UBE2W: variants seen among roughly 807,000 people sequenced by gnomAD.
UBE2W encodes ubiquitin-conjugating enzyme E2 W.
A neutral mutation model predicts 27.2 loss-of-function variants in UBE2W; 18 were observed. The ratio of observed to expected loss-of-function variants is 0.66; its 90% CI spans 0.46 to 0.98. The LOEUF (loss-of-function observed/expected upper bound fraction) is 0.98. Ranked by LOEUF, UBE2W falls within the 50% of genes least tolerant of loss-of-function variation. UBE2W has a pLI of 0.00. For missense variants in UBE2W, 90 were observed against 180.2 expected, an observed-to-expected ratio of 0.50 and a Z score of 2.87; for synonymous variants, 53 against 57.2, an observed-to-expected ratio of 0.93 and a Z score of 0.33.
intron 1 of UBE2W, among the ~76,000 whole-genome samples, chr8:73,847,164 G>C (rs1470766460): frequency 1.3e-5 from 2 of 152,076 alleles, no homozygotes; most frequent in Non-Finnish European, 2.9e-5. Flanking sequence ...GTGAGACTCT[G>C]TCTCAAAAAA....
intron 5 of UBE2W, among the ~76,000 whole-genome samples, chr8:73,798,576 T>A (rs1468433776): frequency 1.3e-5 from 2 of 152,192 alleles, no homozygotes; most frequent in Non-Finnish European, 2.9e-5. Context: ...TCCTCCCCGC[T>A]GTGGAAAGCA....
intron 1 of UBE2W, among the ~76,000 whole-genome samples, chr8:73,841,034 T>C (rs1022813700): frequency 2.6e-5 from 4 of 152,206 alleles, no homozygotes; most frequent in Admixed American, 6.5e-5. Flanking sequence ...TGTGGGAATA[T>C]ATAATGGTTG....
intron 5 of UBE2W, among the ~76,000 whole-genome samples, chr8:73,800,322 G>C (rs1808585908): frequency 6.6e-6 from 1 of 152,154 alleles, no homozygotes; most frequent in African/African-American, 2.4e-5. Flanking sequence ...CCCTTAAAAG[G>C]AGAATGGTGG....
Position 73,837,240 on chromosome 8 carries a change from C to T in UBE2W, c.16-6768G>A, listed in dbSNP as rs139717765. Among the ~76,000 whole-genome samples, 532 of 152,264 alleles carry T rather than the reference C, an allele frequency of 3.5e-3. 5 individuals are homozygous for T. The highest frequency in any genetic ancestry group is 0.012 in the African/African-American group (506 of 41,560). On this transcript the variant is annotated intron_variant, in intron 1 of 5. Transcript: ENST00000602593. Reference sequence around the variant, plus strand: ...TTAAAAAAATGAAGTGGGTCGGGTGCGGTGGCTCATGCCTGTAATCCCAGC... The same window carrying T: ...TTAAAAAAATGAAGTGGGTCGGGTGTGGTGGCTCATGCCTGTAATCCCAGC...
In UBE2W at chr8:73,787,943, T is replaced by C. The variant is rs183983241; in HGVS notation, c.*6159A>G. On this transcript the variant is annotated 3_prime_UTR_variant, in exon 6 of 6. Coordinates refer to ENST00000602593, the MANE Select transcript of UBE2W (RefSeq NM_018299.6). ...TATTACATAAAGGTGATGTGTTAAA[T>C]AGATGGTTTAAGTGACTATCTTCAT... The C allele has an allele frequency of 3.4e-5, 33 of 983,630 alleles. No individual in the cohort carries two copies. In the African/African-American group the frequency reaches 4.7e-4, roughly 14 times the overall value. 60.9% of individuals were successfully genotyped at this position (983,630 alleles called of 1,614,324 possible).
At chr8:73,866,289 AAATATATATATAT>A (rs1184254482) in intron 1 of UBE2W, among the ~76,000 whole-genome samples, 3 of 88,888 alleles carry the variant, frequency 3.4e-5, no homozygotes, top group African/African-American at 1.0e-4. Context: ...AAAAAAAAAA[AAATATATATATAT>A]ATATATATAT....
chr8:73,835,605 G>T (rs929409598), intron 1 of UBE2W, among the ~76,000 whole-genome samples: 1 of 152,120 alleles, frequency 6.6e-6, no homozygotes, highest in Non-Finnish European at 1.5e-5. Context: ...TCAGCTGGGC[G>T]TGGTGGCATG....
rs929278040 is a variant in UBE2W, at chr8:73,788,824, T to A, written c.*5278A>T. 13 of 985,254 alleles carry A rather than the reference T, an allele frequency of 1.3e-5. No homozygotes were observed. The highest frequency in any genetic ancestry group is 1.6e-5 in the Non-Finnish European group (13 of 829,932). The allele number at this position is 985,254 out of a possible 1,614,324, so 61.0% of individuals were successfully genotyped here. ...TATGTGCCAAGGACTAGAACAAGAA[T>A]TGGATCTCTCCTTTTCCCAGTCAAC... On this transcript the variant is annotated 3_prime_UTR_variant, in exon 6 of 6. Transcript: ENST00000602593.
At chr8:73,838,999 G>C (rs542960461) in intron 1 of UBE2W, among the ~76,000 whole-genome samples, 151 of 152,274 alleles carry the variant, frequency 9.9e-4, no homozygotes, top group Non-Finnish European at 1.9e-3. Context: ...TGGGGCCCTT[G>C]AGCGGCTGCT....
chr8:73,796,544 A>G, intron 5 of UBE2W: 1 of 671,744 alleles, frequency 1.5e-6, no homozygotes, highest in African/African-American at 1.9e-5. Context: ...ATGATTAGGA[A>G]ATCTTTGTGA....
chr8:73,842,839 TAACTC>T (rs1260027473), intron 1 of UBE2W, among the ~76,000 whole-genome samples: 1 of 152,092 alleles, frequency 6.6e-6, no homozygotes, highest in Non-Finnish European at 1.5e-5. Flanking sequence ...AATTAAAAAA[TAACTC>T]AATGGATGAT....
chr8:73,809,304 A>G (rs1051045191), intron 4 of UBE2W, among the ~76,000 whole-genome samples: 5 of 152,190 alleles, frequency 3.3e-5, no homozygotes, highest in Admixed American at 6.5e-5. Flanking sequence ...TTCTCCAAAT[A>G]CTAATTTAAT....
chr8:73,838,045 T>A (rs1165886698), intron 1 of UBE2W, among the ~76,000 whole-genome samples: 1 of 152,156 alleles, frequency 6.6e-6, no homozygotes, highest in Non-Finnish European at 1.5e-5. Context: ...TTGTGTTGGT[T>A]CAAGTCTGCA....
Position 73,788,038 on chromosome 8 carries a change from A to G in UBE2W, c.*6064T>C. ...ATCCTTTAAAATTCAGTCTTTTGTG[A>G]AGAGAAACTACTGTACAAATACTTT... On this transcript the variant is annotated 3_prime_UTR_variant, in exon 6 of 6. Transcript: ENST00000602593. 1 of 985,432 alleles carries G rather than the reference A, an allele frequency of 1.0e-6. No homozygotes were observed. The highest frequency in any genetic ancestry group is 6.1e-5 in the Admixed American group (1 of 16,286). The allele number at this position is 985,432 out of a possible 1,614,324, so 61.0% of individuals were successfully genotyped here.
chr8:73,869,573 C>A (rs1159218470), intron 1 of UBE2W, among the ~76,000 whole-genome samples: 1 of 152,112 alleles, frequency 6.6e-6, no homozygotes, highest in Admixed American at 6.5e-5. Context: ...CGCCTGCAGT[C>A]CCAGCTACTC....
intron 3 of UBE2W, among the ~76,000 whole-genome samples, chr8:73,821,524 G>C (rs1160208106): frequency 2.1e-5 from 3 of 144,074 alleles, no homozygotes; most frequent in Admixed American, 7.0e-5. Flanking sequence ...GTGTGTGGTG[G>C]GGGGGTGGAG....
At chr8:73,800,507 GGTGA>G (rs1808592994) in intron 5 of UBE2W, among the ~76,000 whole-genome samples, 1 of 152,114 alleles carries the variant, frequency 6.6e-6, no homozygotes, top group Non-Finnish European at 1.5e-5. Flanking sequence ...TCATAATTCA[GGTGA>G]GTAAGAATCC....
chr8:73,848,660 C>A (rs894515540), intron 1 of UBE2W, among the ~76,000 whole-genome samples: 21 of 152,044 alleles, frequency 1.4e-4, no homozygotes, highest in Admixed American at 6.6e-5. Flanking sequence ...CCACTGCACA[C>A]CAACAGGGGT....
chr8:73,867,465 G>A (rs1811824936), intron 1 of UBE2W, among the ~76,000 whole-genome samples: 1 of 152,054 alleles, frequency 6.6e-6, no homozygotes, highest in African/African-American at 2.4e-5. Flanking sequence ...AACCTGGGAG[G>A]CAGAAGTTGC....
Sources: allele counts gnomAD v4.1 joint callset (sites outside exome capture counted in the v4.1 genomes callset), GRCh38; gene constraint gnomAD v4.1.1; transcripts MANE v1.5; gene names NCBI Gene and HGNC (gene_info 2026-07-23, HGNC 2026-07-21).